The following VIPR2 variants were observed in gnomAD, a reference collection of about 807,000 sequenced individuals.
VIPR2 encodes the protein vasoactive intestinal polypeptide receptor 2.
VIPR2 carries 48 observed loss-of-function variants against 58.0 expected under a neutral mutation model. That is an observed-to-expected ratio of 0.83 (90% CI 0.66 to 1.05). The LOEUF is 1.05. Ranked by LOEUF, VIPR2 falls within the 50% of genes least tolerant of loss-of-function variation. VIPR2 has a pLI of 0.00. For missense variants in VIPR2, 534 were observed against 558.0 expected (o/e 0.96, Z 0.43); for synonymous variants, 243 against 235.2 (o/e 1.03, Z -0.30).
intron 2 of VIPR2, among the ~76,000 whole-genome samples, chr7:159,123,331 C>T (rs1287046719): frequency 7.0e-6 from 1 of 143,142 alleles, no homozygotes; most frequent in African/African-American, 2.5e-5. Context: ...AAAAAAAAAC[C>T]TCAGTGTCTG....
intron 2 of VIPR2, among the ~76,000 whole-genome samples, chr7:159,136,888 A>T (rs1359002486): frequency 6.6e-6 from 1 of 152,162 alleles, no homozygotes; most frequent in Non-Finnish European, 1.5e-5. Flanking sequence ...GCAGGACAGG[A>T]AGCAGCCAGG....
chr7:159,087,924 G>T (rs1857275505), intron 4 of VIPR2, among the ~76,000 whole-genome samples: 1 of 152,200 alleles, frequency 6.6e-6, no homozygotes. Context: ...ACAGGATCCT[G>T]ATAGTGAGAT....
intron 5 of VIPR2, among the ~76,000 whole-genome samples, chr7:159,043,720 T>C (rs987932582): frequency 6.6e-6 from 1 of 152,156 alleles, no homozygotes; most frequent in Non-Finnish European, 1.5e-5. Context: ...CTGGAGAAAT[T>C]TCATAAACCC....
At chr7:159,110,159 A>C (rs755848052) in intron 2 of VIPR2, among the ~76,000 whole-genome samples, 1 of 152,240 alleles carries the variant, frequency 6.6e-6, no homozygotes. Context: ...TCTGAATTTT[A>C]AGAGAATCAT....
chr7:159,123,207 C>T (rs538565300), intron 2 of VIPR2, among the ~76,000 whole-genome samples: 6 of 144,360 alleles, frequency 4.2e-5, no homozygotes, highest in East Asian at 4.2e-4. Flanking sequence ...GCAGGAGAAT[C>T]GCTTCAACCC....
chr7:159,078,216 C>G lies in VIPR2; in HGVS notation c.358-19638G>C, dbSNP rs188895710. ...ATCTAAAGATAATTCCAGCTCAAAT[C>G]TATTAAATCTCAACTGGCTTCCCTC... On this transcript the variant is annotated intron_variant, in intron 4 of 12. Transcript: ENST00000262178. Among the ~76,000 whole-genome samples, 7 of 152,302 alleles carry G rather than the reference C, an allele frequency of 4.6e-5. No individual in the cohort carries two copies. In the East Asian group the frequency reaches 1.4e-3, roughly 29 times the overall value.
At chr7:159,141,304 C>A (rs1585578655) in intron 2 of VIPR2, among the ~76,000 whole-genome samples, 1 of 152,258 alleles carries the variant, frequency 6.6e-6, no homozygotes, top group Non-Finnish European at 1.5e-5. Flanking sequence ...GGGCCAGAAC[C>A]ATGCGTGCAC....
intron 3 of VIPR2, among the ~76,000 whole-genome samples, chr7:159,104,879 T>C (rs377647992): frequency 1.4e-4 from 20 of 140,522 alleles, no homozygotes; most frequent in African/African-American, 5.7e-4. Flanking sequence ...ACCTGGTGCC[T>C]GGCCTGCCCC....
rs930051906 is a variant in VIPR2 at position 159,030,427 on chromosome 7, T to A, written c.*189A>T. 1.8e-6 allele frequency: 1 copy of A among 566,418 alleles called. No homozygotes were observed. Among genetic ancestry groups the A allele is most frequent in the Non-Finnish European group, 2.9e-6 (1 of 350,324 alleles). 35.1% of individuals were successfully genotyped at this position (566,418 alleles called of 1,614,324 possible). A position where few individuals can be genotyped will look rare whatever the true frequency, so the allele number is the denominator to read the frequency against. On this transcript the variant is annotated 3_prime_UTR_variant, in exon 13 of 13. Transcript: ENST00000262178. ...GATTATCTAAATGCTGGAGTTTAAA[T>A]CGAGTCAATGACAACACGACTCCAA...
At chr7:159,077,452 TTA>T (rs1011257434) in intron 4 of VIPR2, among the ~76,000 whole-genome samples, 4 of 151,442 alleles carry the variant, frequency 2.6e-5, no homozygotes, top group African/African-American at 9.8e-5. Context: ...AGTATGCCTG[TTA>T]TCAGATTCTA....
At chr7:159,102,940 AC>A (rs1165382140) in intron 4 of VIPR2, among the ~76,000 whole-genome samples, 1 of 152,186 alleles carries the variant, frequency 6.6e-6, no homozygotes, top group Non-Finnish European at 1.5e-5. Flanking sequence ...GGTGCCCGCC[AC>A]CCACACGGTG....
At chr7:159,037,505 A>C (rs1854051006) in intron 6 of VIPR2, among the ~76,000 whole-genome samples, 1 of 152,192 alleles carries the variant, frequency 6.6e-6, no homozygotes, top group African/African-American at 2.4e-5. Flanking sequence ...GTGGACCCAC[A>C]CCAGGCCCCA....
intron 3 of VIPR2, among the ~76,000 whole-genome samples, chr7:159,108,556 A>C (rs1181361412): frequency 1.3e-5 from 2 of 152,236 alleles, no homozygotes; most frequent in African/African-American, 4.8e-5. Context: ...ACCCAAAGCC[A>C]ACTGGGAGTT....
chr7:159,040,499 C>T (rs1039815721), intron 6 of VIPR2, among the ~76,000 whole-genome samples: 13 of 152,342 alleles, frequency 8.5e-5, no homozygotes, highest in African/African-American at 2.9e-4. Context: ...AGGTTTGCTC[C>T]GTGTCCCGGG....
At chr7:159,132,199 C>T (rs1414638573) in intron 2 of VIPR2, among the ~76,000 whole-genome samples, 2 of 132,454 alleles carry the variant, frequency 1.5e-5, no homozygotes, top group African/African-American at 5.5e-5. Context: ...ACAGTCTCGT[C>T]AGAAGTGAGA....
At chr7:159,109,702 A>C in intron 3 of VIPR2, 110 bp downstream of exon 3, 1 of 984,596 alleles carries the variant, frequency 1.0e-6, no homozygotes, top group Non-Finnish European at 1.6e-6. Context: ...CCCCCAGGGT[A>C]GCAGGAGATG....
In VIPR2 at chr7:159,031,990, C is replaced by T; in HGVS notation, c.1049G>A (p.Ser350Asn). 2 of 1,614,172 alleles carry T rather than the reference C, an allele frequency of 1.2e-6. No homozygotes were observed. Among genetic ancestry groups the T allele is most frequent in the Non-Finnish European group, 1.7e-6 (2 of 1,180,034 alleles). ...CAGTATCTGGTATTTGGAGGAGATG[C>T]TGATGGGAAACACGGCAAACACCAT... ...HYMVFAVFPI[S>N]ISSKYQILFE... The change falls in exon 11 of 13, where the codon AGC (serine) becomes AAC (asparagine). Residue 350 changes from serine to asparagine, a missense_variant. By Grantham distance (46) the Ser-to-Asn change is conservative. This residue lies in a region of VIPR2 where 306 missense variants were observed against 285.8 expected (regional missense o/e 1.07). Coordinates refer to ENST00000262178, the MANE Select transcript of VIPR2 (RefSeq NM_003382.5). This position sits in a 1 kb window ranked among gnomAD's most constrained non-coding sequence, Gnocchi z 4.0.
chr7:159,117,191 G>A, intron 2 of VIPR2: 1 of 643,720 alleles, frequency 1.6e-6, no homozygotes, highest in South Asian at 1.8e-5. Flanking sequence ...GGGCTTCTGG[G>A]TCACTGCCCT....
intron 2 of VIPR2, among the ~76,000 whole-genome samples, chr7:159,111,689 A>T (rs1473476457): frequency 6.6e-6 from 1 of 151,692 alleles, no homozygotes; most frequent in Admixed American, 6.6e-5. Context: ...CAAAAAAAAA[A>T]AGCAATAATT....
Sources: gnomAD v4.1 joint callset for allele counts (sites outside exome capture counted in the v4.1 genomes callset) on GRCh38, gnomAD v4.1.1 for gene constraint, gnomAD v4.1.1 regional missense constraint, Gnocchi (gnomAD v3.1) non-coding constraint, MANE v1.5 for transcripts, NCBI Gene and HGNC (gene_info 2026-07-23, HGNC 2026-07-21) for gene names.